The following FGD6 variants were observed in gnomAD, a reference collection of about 807,000 sequenced individuals.
The protein encoded by FGD6 is FYVE, RhoGEF and PH domain-containing protein 6.
FGD6 carries 90 observed loss-of-function variants against 149.4 expected under a neutral mutation model. The ratio of observed to expected loss-of-function variants is 0.60; its 90% confidence interval spans 0.51 to 0.72. The LOEUF (loss-of-function observed/expected upper bound fraction) is 0.72, where lower values mean the gene tolerates loss of function less well. Ranked by LOEUF, FGD6 falls within the 30% of genes least tolerant of loss-of-function variation. The pLI, the probability that FGD6 is intolerant of heterozygous loss-of-function variation, is 0.00. For synonymous variants in FGD6, 527 were observed against 584.0 expected (o/e 0.90, Z 1.41); for missense variants, 1,437 against 1,684.8 (o/e 0.85, Z 2.57).
intron 8 of FGD6, among the ~76,000 whole-genome samples, chr12:95,125,518 C>A (rs1435668163): frequency 2.0e-5 from 3 of 152,058 alleles, no homozygotes; most frequent in African/African-American, 7.2e-5. Context: ...TGCCTGTAGC[C>A]ACAGCTACTT....
chr12:95,210,321 T>C lies in FGD6; in HGVS notation c.963A>G (p.Arg321=). ...ACTTTTGGCGTAACAGACGAGCAGT[T>C]CGTGTCTTTCTGGGCTTGGGAGTTG... ...KFPTPKPRKT[R]TARLLRQKCV... Residue 321 remains arginine, a synonymous_variant, in exon 2 of 21, where the codon CGA becomes CGG. Transcript: ENST00000343958. 5 of 1,614,130 alleles carry C rather than the reference T, an allele frequency of 3.1e-6. No homozygotes were observed. Among genetic ancestry groups the C allele is most frequent in the Non-Finnish European group, 4.2e-6 (5 of 1,180,018 alleles).
intron 8 of FGD6, chr12:95,116,882 A>C (rs1879033188): frequency 2.2e-6 from 1 of 455,894 alleles, no homozygotes; most frequent in African/African-American, 2.0e-5. Flanking sequence ...ACAGTTAAGA[A>C]TCACCTGGGG....
At chr12:95,196,015 G>A (rs926283562) in intron 2 of FGD6, among the ~76,000 whole-genome samples, 1 of 152,058 alleles carries the variant, frequency 6.6e-6, no homozygotes, top group Admixed American at 6.5e-5. Context: ...AGCTACTTGG[G>A]AGGCTGAAGC....
At chr12:95,092,907 G>C (rs1878105564) in intron 15 of FGD6, 62 bp from the exon 16 acceptor site, 1 of 1,538,732 alleles carries the variant, frequency 6.5e-7, no homozygotes, top group Non-Finnish European at 8.8e-7. Context: ...TTATTCGGCA[G>C]TGGCATCTCA....
At chr12:95,212,695 G>T (rs1238599973) in intron 1 of FGD6, among the ~76,000 whole-genome samples, 1 of 152,154 alleles carries the variant, frequency 6.6e-6, no homozygotes, top group Non-Finnish European at 1.5e-5. Flanking sequence ...GCTGGACGTT[G>T]TTTAATTACT....
intron 8 of FGD6, among the ~76,000 whole-genome samples, chr12:95,129,311 G>GCATCCATC (rs71435749): frequency 4.1e-4 from 43 of 105,398 alleles, no homozygotes; most frequent in Non-Finnish European, 6.7e-4. Flanking sequence ...ATGCATGCAT[G>GCATCCATC]CATCCATCCA....
chr12:95,172,559 C>A, intron 3 of FGD6, 41 bp downstream of exon 3: 1 of 1,505,500 alleles, frequency 6.6e-7, no homozygotes. Flanking sequence ...CATTCCCAAG[C>A]ATAGGGAGAG....
intron 3 of FGD6, among the ~76,000 whole-genome samples, chr12:95,164,232 T>C (rs1478717661): frequency 6.6e-6 from 1 of 152,112 alleles, no homozygotes; most frequent in South Asian, 2.1e-4. Context: ...AAATTCTTTT[T>C]TTTTTTTTCC....
rs770192650 is a variant in FGD6 at position 95,094,561 on chromosome 12, T to G, written c.3600+31A>C. On this transcript the variant is annotated intron_variant, in intron 15 of 20. Transcript: ENST00000343958. ...TTAAGGTAAAAACTTTGAAATGCAC[T>G]GGAAAAAAAAAAAAAAGGAGAAAAC... The G allele has an allele frequency of 4.4e-6, 6 of 1,371,368 alleles. No homozygotes were observed. In the South Asian group the frequency reaches 7.6e-5, roughly 17 times the overall value. 84.9% of individuals were successfully genotyped at this position (1,371,368 alleles called of 1,614,324 possible). A position where few individuals can be genotyped will look rare whatever the true frequency, so the allele number is the denominator to read the frequency against.
At chr12:95,186,117 G>T (rs1262109842) in intron 2 of FGD6, among the ~76,000 whole-genome samples, 1 of 151,152 alleles carries the variant, frequency 6.6e-6, no homozygotes, top group African/African-American at 2.4e-5. Context: ...CAAATGAATG[G>T]ATTCCATCCT....
intron 1 of FGD6, among the ~76,000 whole-genome samples, chr12:95,211,493 T>C (rs2056727339): frequency 6.6e-6 from 1 of 152,058 alleles, no homozygotes; most frequent in African/African-American, 2.4e-5. Context: ...CCAATACAGT[T>C]TGTTTCTCCA....
chr12:95,139,492 G>GA (rs547463940), intron 6 of FGD6, among the ~76,000 whole-genome samples: 67 of 136,424 alleles, frequency 4.9e-4, no homozygotes, highest in South Asian at 7.1e-4. Flanking sequence ...TTTAACTTAA[G>GA]AAAAAAAAAA....
At chr12:95,099,617 G>GT (rs1878356116) in intron 14 of FGD6, among the ~76,000 whole-genome samples, 1 of 152,010 alleles carries the variant, frequency 6.6e-6, no homozygotes, top group Non-Finnish European at 1.5e-5. Flanking sequence ...ATCCTATTGG[G>GT]TTTTTTTCTG....
chr12:95,203,826 T>C (rs2056675860), intron 2 of FGD6, among the ~76,000 whole-genome samples: 1 of 152,212 alleles, frequency 6.6e-6, no homozygotes, highest in South Asian at 2.1e-4. Context: ...CTTTATAGAA[T>C]CAAGAAATCT....
chr12:95,129,251 A>T (rs1280388121), intron 8 of FGD6, among the ~76,000 whole-genome samples: 1 of 152,098 alleles, frequency 6.6e-6, no homozygotes, highest in Non-Finnish European at 1.5e-5. Context: ...ATGCTTTTAA[A>T]CATTTATTAA....
chr12:95,152,292 C>T (rs1226004409), intron 5 of FGD6, among the ~76,000 whole-genome samples: 1 of 152,122 alleles, frequency 6.6e-6, no homozygotes, highest in Non-Finnish European at 1.5e-5. Context: ...CGCACCACTG[C>T]ACCCTAGCCT....
intron 6 of FGD6, among the ~76,000 whole-genome samples, chr12:95,140,005 G>C (rs762111128): frequency 7.2e-5 from 11 of 151,950 alleles, no homozygotes; most frequent in Non-Finnish European, 1.3e-4. Flanking sequence ...TTTATACTTA[G>C]GCTACGGCTA....
At chr12:95,168,357 T>G (rs1207178538) in intron 3 of FGD6, among the ~76,000 whole-genome samples, 1 of 152,186 alleles carries the variant, frequency 6.6e-6, no homozygotes, top group African/African-American at 2.4e-5. Context: ...TTGGCTTGCT[T>G]ATTTTCATAA....
At chr12:95,140,880 A>G (rs948622649) in intron 6 of FGD6, among the ~76,000 whole-genome samples, 1 of 152,216 alleles carries the variant, frequency 6.6e-6, no homozygotes, top group African/African-American at 2.4e-5. Context: ...TTTGTTTAAA[A>G]TAATAGTATT....
Sources: gnomAD v4.1 joint callset for allele counts (sites outside exome capture counted in the v4.1 genomes callset) on GRCh38, gnomAD v4.1.1 for gene constraint, MANE v1.5 for transcripts, NCBI Gene and HGNC (gene_info 2026-07-23, HGNC 2026-07-21) for gene names.